The following CSGALNACT1 variants were observed in gnomAD, a reference collection of about 807,000 sequenced individuals.
CSGALNACT1 encodes beta4GalNAcT-1.
CSGALNACT1 carries 52 observed loss-of-function variants against 51.0 expected under a neutral mutation model. The ratio of observed to expected loss-of-function variants is 1.02; its 90% CI spans 0.82 to 1.29. CSGALNACT1 has a LOEUF of 1.29. Among genes scored for constraint, CSGALNACT1 ranks in the 50% most tolerant of loss-of-function variants. The pLI is 0.00. For synonymous variants in CSGALNACT1, 341 were observed against 254.4 expected, an observed-to-expected ratio of 1.34 and a Z score of -3.24; for missense variants, 935 against 679.2, an observed-to-expected ratio of 1.38 and a Z score of -4.19.
intron 7 of CSGALNACT1, among the ~76,000 whole-genome samples, chr8:19,420,130 T>G (rs1040267805): frequency 3.9e-5 from 6 of 152,240 alleles, no homozygotes; most frequent in African/African-American, 1.4e-4. Context: ...CCATTAAACC[T>G]CTTTCCTTTA....
chr8:19,404,365 A>G (rs1035653759), exon 10 of CSGALNACT1: 15 of 453,892 alleles, frequency 3.3e-5, no homozygotes, highest in African/African-American at 1.8e-4. Context: ...TAATTAGCTC[A>G]TGCATCTGGT....
At chr8:19,680,714 G>A (rs1156593528) in intron 1 of CSGALNACT1, among the ~76,000 whole-genome samples, 3 of 152,098 alleles carry the variant, frequency 2.0e-5, no homozygotes, top group Non-Finnish European at 2.9e-5. Context: ...ACTGTGATAG[G>A]TCTGAGAGAT....
rs766208965 is a variant in CSGALNACT1, at chr8:19,728,624, A to G, written c.-297+29226T>C. On this transcript the variant is annotated intron_variant, in intron 1 of 1. Coordinates refer to the CSGALNACT1 transcript ENST00000517494. ...TCATTGATTTCCAGGCCACATGTTC[A>G]TTCCACATTTCAGCCCACGATTTAT... Among the ~76,000 whole-genome samples the G allele has an allele frequency of 2.0e-5, 3 of 152,284 alleles. No individual in the cohort carries two copies. The East Asian group carries it at 5.8e-4, about 29-fold the overall frequency.
chr8:19,460,594 T>C (rs747455912), intron 4 of CSGALNACT1, among the ~76,000 whole-genome samples: 1 of 152,032 alleles, frequency 6.6e-6, no homozygotes, highest in Non-Finnish European at 1.5e-5. Context: ...CAGAAATCAA[T>C]CTCCAGGGAG....
At chr8:19,554,613 A>T (rs531928383) in intron 3 of CSGALNACT1, among the ~76,000 whole-genome samples, 1 of 152,370 alleles carries the variant, frequency 6.6e-6, no homozygotes, top group African/African-American at 2.4e-5. Context: ...TACAATGATA[A>T]CATCAGAAAA....
intron 1 of CSGALNACT1, among the ~76,000 whole-genome samples, chr8:19,708,287 CAGCACCTAGG>C (rs2062298415): frequency 6.6e-6 from 1 of 152,212 alleles, no homozygotes; most frequent in Non-Finnish European, 1.5e-5. Flanking sequence ...CCAGCAGACT[CAGCACCTAGG>C]AGCCCACTGC....
chr8:19,603,297 A>G, upstream of CSGALNACT1, among the ~76,000 whole-genome samples: 1 of 152,190 alleles, frequency 6.6e-6, no homozygotes, highest in Non-Finnish European at 1.5e-5. Context: ...AGTCAGCTGA[A>G]GTGTGAGGTG....
At chr8:19,663,299 C>A (rs576017994) in intron 1 of CSGALNACT1, among the ~76,000 whole-genome samples, 3 of 152,110 alleles carry the variant, frequency 2.0e-5, no homozygotes, top group Non-Finnish European at 4.4e-5. Context: ...TTCTCCCCTT[C>A]CTACGATGGT....
At chr8:19,644,505 T>A (rs2057064598) in intron 1 of CSGALNACT1, among the ~76,000 whole-genome samples, 2 of 148,782 alleles carry the variant, frequency 1.3e-5, no homozygotes, top group South Asian at 2.1e-4. Flanking sequence ...AGGTCAGGAG[T>A]TCCAGACCAG....
Sources: allele counts gnomAD v4.1 joint callset (sites outside exome capture counted in the v4.1 genomes callset), GRCh38; gene constraint gnomAD v4.1.1; transcripts MANE v1.5; gene names NCBI Gene and HGNC (gene_info 2026-07-23, HGNC 2026-07-21).